Variants in MCCC2 observed in about 807,000 individuals in gnomAD.
MCCC2 encodes methylcrotonyl-CoA carboxylase subunit 2, also known as methylcrotonoyl-CoA carboxylase beta chain, mitochondrial.
In MCCC2, 52 loss-of-function variants were observed where a neutral mutation model predicts 77.2. The observed-to-expected ratio is 0.67, with a 90% CI of 0.54 to 0.85. MCCC2 has a LOEUF of 0.85. MCCC2 is among the 40% of genes least tolerant of loss of function. The pLI is 0.00. For missense variants in MCCC2, 682 were observed against 703.2 expected, an observed-to-expected ratio of 0.97 and a Z score of 0.34; for synonymous variants, 253 against 248.4, an observed-to-expected ratio of 1.02 and a Z score of -0.18.
chr5:71,595,417 A>G (rs1387852951), intron 2 of MCCC2, among the ~76,000 whole-genome samples: 2 of 123,882 alleles, frequency 1.6e-5, no homozygotes, highest in East Asian at 2.6e-4. Flanking sequence ...TGACAGAGTA[A>G]GATCTTGTCT....
chr5:71,644,582 G>C (rs1388117557), intron 12 of MCCC2, among the ~76,000 whole-genome samples: 1 of 151,854 alleles, frequency 6.6e-6, no homozygotes, highest in Non-Finnish European at 1.5e-5. Flanking sequence ...CCTAAACTTG[G>C]ATAAATGTAA....
intron 2 of MCCC2, among the ~76,000 whole-genome samples, chr5:71,594,348 G>C (rs1424675669): frequency 2.6e-5 from 4 of 152,010 alleles, no homozygotes; most frequent in Non-Finnish European, 5.9e-5. Context: ...GAGCAACATG[G>C]TGAAACCCTG....
chr5:71,596,378 C>T lies in MCCC2; in HGVS notation c.281+14C>T. ...CATAGACCCAGGGTGCGTACATAGC[C>T]AAGTACTGACTCAGAGTGTTCTCTG... On this transcript the variant is annotated intron_variant, in intron 3 of 16. Transcript: ENST00000340941. 6.3e-7 allele frequency: 1 copy of T among 1,598,724 alleles called. No homozygotes were observed. The highest frequency in any genetic ancestry group is 8.6e-7 in the Non-Finnish European group (1 of 1,166,116).
Position 71,656,929 on chromosome 5 carries a change from A to G in MCCC2, c.*69A>G, listed in dbSNP as rs1035383640. 8.4e-7 allele frequency: 1 copy of G among 1,195,556 alleles called. No individual in the cohort carries two copies. Among genetic ancestry groups the G allele is most frequent in the African/African-American group, 1.5e-5 (1 of 66,744 alleles). The allele number at this position is 1,195,556 out of a possible 1,614,324, so 74.1% of individuals were successfully genotyped here. ...ACACATGTAGTAGCCTTAAAATTTT[A>G]GACTTCTCGAACATGAGGCTGTTAC... is the stretch of plus-strand genomic sequence containing the variant. On this transcript the variant is annotated 3_prime_UTR_variant, in exon 17 of 17. Coordinates refer to ENST00000340941, the MANE Select transcript of MCCC2 (RefSeq NM_022132.5).
At position 71,656,889 on chromosome 5, in the gene MCCC2, A is replaced by G. The variant is rs768044995; in HGVS notation, c.*29A>G. ...GAATAAAGGATGTTTTCTGTTGGAC[A>G]TGTACTGAAAATTAACACATGTAGT... On this transcript the variant is annotated 3_prime_UTR_variant, in exon 17 of 17. Coordinates refer to ENST00000340941, the MANE Select transcript of MCCC2 (RefSeq NM_022132.5). The G allele has an allele frequency of 1.3e-6, 2 of 1,548,238 alleles. No homozygotes were observed. The highest frequency in any genetic ancestry group is 1.4e-5 in the African/African-American group (1 of 73,728).
At chr5:71,610,478 A>G (rs1300780751) in intron 6 of MCCC2, among the ~76,000 whole-genome samples, 2 of 152,112 alleles carry the variant, frequency 1.3e-5, no homozygotes, top group Non-Finnish European at 2.9e-5. Flanking sequence ...GGCACTCCTT[A>G]GTGAGATGAA....
intron 6 of MCCC2, among the ~76,000 whole-genome samples, chr5:71,610,816 C>G (rs1745906224): frequency 6.6e-6 from 1 of 151,680 alleles, no homozygotes; most frequent in Non-Finnish European, 1.5e-5. Context: ...GAAACCCCGT[C>G]TCTATTAAAA....
At position 71,633,125 on chromosome 5, in the gene MCCC2, A is replaced by ATTTTTTTTTTTTTT. The variant is rs1398247533; in HGVS notation, c.803+941_803+942insTTTTTTTTTTTTTT. 2.6e-4 allele frequency among the ~76,000 whole-genome samples: 11 copies of ATTTTTTTTTTTTTT among 42,884 alleles called. 1 individual carries two copies. Among genetic ancestry groups the ATTTTTTTTTTTTTT allele is most frequent in the South Asian group, 7.9e-4 (1 of 1,270 alleles). The allele number at this position is 42,884 out of a possible 152,430, so 28.1% of individuals were successfully genotyped here. A position where few individuals can be genotyped will look rare whatever the true frequency, so the allele number is the denominator to read the frequency against. ...TATATATATATATATATATATATATATATATATTTTTATTTTTTGTAGAAA... is the reference window on the plus strand; with the variant it reads ...TATATATATATATATATATATATATATTTTTTTTTTTTTTTATATATTTTTATTTTTTGTAGAAA... On this transcript the variant is annotated intron_variant, in intron 8 of 16. Coordinates refer to ENST00000340941, the MANE Select transcript of MCCC2 (RefSeq NM_022132.5).
At chr5:71,600,104 G>A (rs1745364331) in intron 4 of MCCC2, among the ~76,000 whole-genome samples, 1 of 152,038 alleles carries the variant, frequency 6.6e-6, no homozygotes, top group Non-Finnish European at 1.5e-5. Context: ...GGCAGAAGTT[G>A]CAGTGAGCTG....
At chr5:71,625,025 C>T (rs1397094946) in intron 6 of MCCC2, among the ~76,000 whole-genome samples, 1 of 152,042 alleles carries the variant, frequency 6.6e-6, no homozygotes, top group Non-Finnish European at 1.5e-5. Flanking sequence ...AATAATTCCT[C>T]TTCCTCTGTT....
intron 3 of MCCC2, among the ~76,000 whole-genome samples, chr5:71,598,817 T>A (rs1745305783): frequency 6.6e-6 from 1 of 152,000 alleles, no homozygotes; most frequent in Admixed American, 6.6e-5. Flanking sequence ...AGTGGCACAG[T>A]CACAGTTCTC....
At chr5:71,624,048 AGTCCCCAGAGATAAGGGTAC>A (rs1456815174) in intron 6 of MCCC2, among the ~76,000 whole-genome samples, 4 of 152,216 alleles carry the variant, frequency 2.6e-5, no homozygotes, top group Admixed American at 1.3e-4. Context: ...GGAGGCTGGA[AGTCCCCAGAGATAAGGGTAC>A]GAGCATGGCC....
At chr5:71,617,078 G>C (rs886621599) in intron 6 of MCCC2, among the ~76,000 whole-genome samples, 1 of 152,158 alleles carries the variant, frequency 6.6e-6, no homozygotes. Flanking sequence ...CGATACTTAA[G>C]CCCCCGTGTG....
intron 6 of MCCC2, among the ~76,000 whole-genome samples, chr5:71,618,526 TTCCTTCCTTCCTTCCTTCCTTC>T (rs1309352303): frequency 0.02 from 1,310 of 66,160 alleles, 28 homozygotes; most frequent in African/African-American, 0.047. Context: ...CCTTCCTTCC[TTCCTTCCTTCCTTCCTTCCTTC>T]CTTTCTTTCT....
intron 6 of MCCC2, among the ~76,000 whole-genome samples, chr5:71,606,028 T>C (rs1225922343): frequency 2.6e-5 from 4 of 152,246 alleles, no homozygotes; most frequent in Non-Finnish European, 4.4e-5. Flanking sequence ...AGCTTTGTTC[T>C]TTTGGCTTAG....
chr5:71,610,164 A>C (rs1160933426), intron 6 of MCCC2, among the ~76,000 whole-genome samples: 1 of 152,204 alleles, frequency 6.6e-6, no homozygotes, highest in Non-Finnish European at 1.5e-5. Flanking sequence ...CCCCTCCCCC[A>C]GCCTCGCTGC....
intron 12 of MCCC2, among the ~76,000 whole-genome samples, chr5:71,645,403 T>G (rs1289914027): frequency 6.6e-6 from 1 of 152,218 alleles, no homozygotes; most frequent in Non-Finnish European, 1.5e-5. Flanking sequence ...CATACAATCT[T>G]TAGGGAAGAA....
In MCCC2 at chr5:71,649,161, C is replaced by T. The variant is rs754213093; in HGVS notation, c.1281C>T (p.Ala427=). The change falls in exon 14 of 17, where the codon GCC becomes GCT. Residue 427 remains alanine, a synonymous_variant. Coordinates refer to ENST00000340941, the MANE Select transcript of MCCC2 (RefSeq NM_022132.5). ...CCAAGGATGGTGCCAAGATGGTGGCCGCTGTGGCCTGTGCCCAAGTGCCTA... is the reference window on the plus strand; with the variant it reads ...CCAAGGATGGTGCCAAGATGGTGGCTGCTGTGGCCTGTGCCCAAGTGCCTA... ...GIAKDGAKMV[A]AVACAQVPKI... 29 of 1,614,132 alleles carry T rather than the reference C, an allele frequency of 1.8e-5. No individual in the cohort carries two copies. The highest frequency in any genetic ancestry group is 3.3e-4 in the Middle Eastern group (2 of 6,060).
At chr5:71,633,131 A>ATATTTTTTTTTT (rs1554137344) in intron 8 of MCCC2, among the ~76,000 whole-genome samples, 1 of 78,078 alleles carries the variant, frequency 1.3e-5, no homozygotes, top group Non-Finnish European at 2.4e-5. Context: ...ATATATATAT[A>ATATTTTTTTTTT]TTTTTATTTT....
Sources: allele counts gnomAD v4.1 joint callset (sites outside exome capture counted in the v4.1 genomes callset), GRCh38; gene constraint gnomAD v4.1.1; transcripts MANE v1.5; gene names NCBI Gene and HGNC (gene_info 2026-07-23, HGNC 2026-07-21).